Variants in GALNT14 observed in about 807,000 individuals in gnomAD.
GALNT14 encodes polypeptide N-acetylgalactosaminyltransferase 14.
A neutral mutation model predicts 77.5 loss-of-function variants in GALNT14; 60 were observed. The ratio of observed to expected loss-of-function variants is 0.77; its 90% CI spans 0.63 to 0.96. The LOEUF is 0.96. GALNT14 is among the 40% of genes least tolerant of loss of function. GALNT14 has a pLI of 0.00. For missense variants in GALNT14, 710 were observed against 731.0 expected (o/e 0.97, Z 0.33); for synonymous variants, 280 against 281.7 (o/e 0.99, Z 0.06).
rs527555100 is a variant in GALNT14, at chr2:31,056,185, A to T, written c.130-63178T>A. 2.0e-5 allele frequency among the ~76,000 whole-genome samples: 3 copies of T among 152,292 alleles called. No homozygotes were observed. In the East Asian group the frequency reaches 5.8e-4, roughly 29 times the overall value. ...GGGACACTGTGGGAGCCTACATTCT[A>T]AGAAGCTTCCCAAGTGATTCCAAAG... On this transcript the variant is annotated intron_variant, in intron 1 of 14. Coordinates refer to ENST00000349752, the MANE Select transcript of GALNT14 (RefSeq NM_024572.4).
intron 1 of GALNT14, among the ~76,000 whole-genome samples, chr2:31,075,238 G>A (rs182760593): frequency 4.6e-5 from 7 of 152,298 alleles, no homozygotes; most frequent in African/African-American, 1.2e-4. Context: ...TGAGGTCCTC[G>A]CCTGAAGTAG....
chr2:31,011,976 C>A (rs925929404), intron 1 of GALNT14, among the ~76,000 whole-genome samples: 1 of 151,702 alleles, frequency 6.6e-6, no homozygotes, highest in Admixed American at 6.6e-5. Flanking sequence ...TGCCCAGGAG[C>A]TGAAGGTGTT....
chr2:31,036,072 T>C (rs1165118893), intron 1 of GALNT14, among the ~76,000 whole-genome samples: 1 of 152,206 alleles, frequency 6.6e-6, no homozygotes, highest in Non-Finnish European at 1.5e-5. Context: ...AGATCTTATT[T>C]TTCAATCCAT....
At chr2:31,135,423 GTC>G (rs1365935011) in intron 1 of GALNT14, among the ~76,000 whole-genome samples, 1 of 152,092 alleles carries the variant, frequency 6.6e-6, no homozygotes, top group Non-Finnish European at 1.5e-5. Flanking sequence ...TACCTAAGGA[GTC>G]TCTGTCTTTC....
intron 1 of GALNT14, among the ~76,000 whole-genome samples, chr2:31,046,227 CT>C (rs57864916): frequency 0.39 from 52,071 of 133,692 alleles, 8,957 homozygotes; most frequent in East Asian, 0.5. Context: ...AACCCATATT[CT>C]TTTTTTTTTT....
intron 10 of GALNT14, among the ~76,000 whole-genome samples, chr2:30,930,967 T>A (rs1558415110): frequency 6.6e-6 from 1 of 152,220 alleles, no homozygotes; most frequent in Non-Finnish European, 1.5e-5. Context: ...GCTCTGCCCC[T>A]CATTTCCAGG....
In GALNT14 at chr2:30,985,465, A is replaced by G. The variant is rs184281013; in HGVS notation, c.299+7373T>C. Among the ~76,000 whole-genome samples the G allele has an allele frequency of 5.9e-5, 9 of 152,198 alleles. No individual in the cohort carries two copies. The East Asian group carries it at 1.7e-3, about 30-fold the overall frequency. ...AACTCCTGTGCTTTGCTACGTGGCC[A>G]AGACAAAAATAACTACACAGAAAAC... On this transcript the variant is annotated intron_variant, in intron 2 of 14. Coordinates refer to ENST00000349752, the MANE Select transcript of GALNT14 (RefSeq NM_024572.4).
intron 2 of GALNT14, among the ~76,000 whole-genome samples, chr2:30,975,403 G>C (rs2148362858): frequency 6.6e-6 from 1 of 152,332 alleles, no homozygotes; most frequent in Admixed American, 6.5e-5. Flanking sequence ...ACTGAGCACT[G>C]TAAATGTGTC....
At chr2:30,983,688 C>A (rs1669121983) in intron 2 of GALNT14, among the ~76,000 whole-genome samples, 1 of 152,020 alleles carries the variant, frequency 6.6e-6, no homozygotes, top group South Asian at 2.1e-4. Flanking sequence ...TACCTCTGGG[C>A]AAAGCTAAAA....
chr2:31,052,424 T>C (rs1673932509), intron 1 of GALNT14, among the ~76,000 whole-genome samples: 1 of 152,018 alleles, frequency 6.6e-6, no homozygotes, highest in Admixed American at 6.5e-5. Context: ...AACAACAGAG[T>C]GAGAAGCTGG....
intron 3 of GALNT14, among the ~76,000 whole-genome samples, chr2:30,965,425 A>C (rs1256810359): frequency 2.9e-5 from 4 of 137,810 alleles, no homozygotes; most frequent in African/African-American, 1.1e-4. Context: ...GGGAGGGAGA[A>C]GAGGACAGAT....
chr2:30,991,961 C>G (rs1669731430), intron 2 of GALNT14, among the ~76,000 whole-genome samples: 1 of 152,172 alleles, frequency 6.6e-6, no homozygotes. Context: ...AAGCTAACAC[C>G]AGTACCACAG....
intron 1 of GALNT14, among the ~76,000 whole-genome samples, chr2:31,048,929 C>T (rs1207326886): frequency 1.3e-5 from 2 of 152,164 alleles, no homozygotes; most frequent in Non-Finnish European, 2.9e-5. Flanking sequence ...CCACAGGTGC[C>T]CGTCACTGGC....
rs564828621 is a variant in GALNT14 at position 31,130,786 on chromosome 2, G to A, written c.129+7172C>T. Among the ~76,000 whole-genome samples, 1,204 of 137,072 alleles carry A rather than the reference G, an allele frequency of 8.8e-3. 6 individuals are homozygous for A. Among genetic ancestry groups the A allele is most frequent in the Non-Finnish European group, 0.012 (819 of 65,790 alleles). The allele number at this position is 137,072 out of a possible 152,430, so 89.9% of individuals were successfully genotyped here. On this transcript the variant is annotated intron_variant, in intron 1 of 14. Transcript: ENST00000349752. ...TGTGTGTGTGTGTGTGTGTGTGTGC[G>A]CGCGCACCTGTGTGTGTGCCTGTGT...
intron 13 of GALNT14, among the ~76,000 whole-genome samples, chr2:30,914,456 A>G (rs1005350854): frequency 2.0e-5 from 3 of 152,228 alleles, no homozygotes; most frequent in Non-Finnish European, 4.4e-5. Flanking sequence ...CTTCTTGGCC[A>G]GTTCCCAATG....
chr2:31,061,186 ACAACCTCATCTCCACCTCCC>A (rs1674568994), intron 1 of GALNT14, among the ~76,000 whole-genome samples: 1 of 152,080 alleles, frequency 6.6e-6, no homozygotes, highest in South Asian at 2.1e-4. Context: ...CAACTCATCT[ACAACCTCATCTCCACCTCCC>A]ATAACCAAGG....
At chr2:30,966,376 A>T in intron 2 of GALNT14, 74 bp from the exon 3 acceptor site, 2 of 1,094,388 alleles carry the variant, frequency 1.8e-6, no homozygotes, top group Non-Finnish European at 2.8e-6. Flanking sequence ...AACCGAGGGC[A>T]TCTGGGTGGG....
At chr2:30,911,334 C>T (rs1396569653) in intron 14 of GALNT14, among the ~76,000 whole-genome samples, 5 of 152,122 alleles carry the variant, frequency 3.3e-5, no homozygotes, top group African/African-American at 1.2e-4. Context: ...GCCCAGAAAA[C>T]ATGAAGCGAG....
At chr2:30,913,489 C>T (rs1295449210) in intron 13 of GALNT14, among the ~76,000 whole-genome samples, 1 of 152,200 alleles carries the variant, frequency 6.6e-6, no homozygotes, top group Non-Finnish European at 1.5e-5. Context: ...CGTTCTCCAT[C>T]TTCCCTCCTG....
Sources: gnomAD v4.1 joint callset for allele counts (sites outside exome capture counted in the v4.1 genomes callset) on GRCh38, gnomAD v4.1.1 for gene constraint, MANE v1.5 for transcripts, NCBI Gene and HGNC (gene_info 2026-07-23, HGNC 2026-07-21) for gene names.